The following CSGALNACT1 variants were observed in gnomAD, a reference collection of about 807,000 sequenced individuals.
CSGALNACT1 encodes beta4GalNAcT-1.
In CSGALNACT1, 52 loss-of-function variants were observed where a neutral mutation model predicts 51.0. The observed-to-expected ratio is 1.02, with a 90% confidence interval of 0.82 to 1.29. The LOEUF is 1.29. Ranked by LOEUF, CSGALNACT1 falls within the 50% of genes most tolerant of loss-of-function variation. The pLI is 0.00. For missense variants in CSGALNACT1, 935 were observed against 679.2 expected, an observed-to-expected ratio of 1.38 and a Z score of -4.19; for synonymous variants, 341 against 254.4, an observed-to-expected ratio of 1.34 and a Z score of -3.24.
intron 3 of CSGALNACT1, among the ~76,000 whole-genome samples, chr8:19,534,852 G>T (rs1451218185): frequency 6.6e-6 from 1 of 152,088 alleles, no homozygotes; most frequent in South Asian, 2.1e-4. Context: ...AGTCAAGTGG[G>T]GAGTTTGTAA....
chr8:19,606,984 T>C (rs2051468700), upstream of CSGALNACT1, among the ~76,000 whole-genome samples: 2 of 151,986 alleles, frequency 1.3e-5, no homozygotes, highest in South Asian at 4.1e-4. Context: ...GGAAACCCTG[T>C]CTGTACTAAA....
intron 2 of CSGALNACT1, among the ~76,000 whole-genome samples, chr8:19,595,266 T>G (rs1009015798): frequency 6.6e-6 from 1 of 152,222 alleles, no homozygotes; most frequent in Non-Finnish European, 1.5e-5. Context: ...AGAGCGAGTA[T>G]TAGCTCTTTG....
At chr8:19,721,411 CA>C (rs762628465) in intron 1 of CSGALNACT1, among the ~76,000 whole-genome samples, 1 of 152,136 alleles carries the variant, frequency 6.6e-6, no homozygotes, top group African/African-American at 2.4e-5. Context: ...ATATTTTACC[CA>C]AAACACATAG....
chr8:19,458,413 C>G lies in CSGALNACT1; in HGVS notation c.851+13G>C, dbSNP rs371132091. 6.2e-7 allele frequency: 1 copy of G among 1,608,008 alleles called. No homozygotes were observed. Among genetic ancestry groups the G allele is most frequent in the Non-Finnish European group, 8.5e-7 (1 of 1,174,440 alleles). ...TCATGCGGAGGAAGATAAACACGTG[C>G]GAACAAACCAACCTGAAATTCTGCA... On this transcript the variant is annotated intron_variant, in intron 5 of 9. Transcript: ENST00000454498.
At chr8:19,676,724 A>C (rs2060218251) in intron 1 of CSGALNACT1, among the ~76,000 whole-genome samples, 1 of 151,926 alleles carries the variant, frequency 6.6e-6, no homozygotes, top group African/African-American at 2.4e-5. Context: ...AAGCCTCGGG[A>C]GCCGCACAAG....
chr8:19,491,333 C>T (rs1185279603), intron 4 of CSGALNACT1, among the ~76,000 whole-genome samples: 1 of 151,994 alleles, frequency 6.6e-6, no homozygotes, highest in Non-Finnish European at 1.5e-5. Context: ...ATTATAAATA[C>T]TTCTATGATA....
At chr8:19,672,103 T>C (rs78347831) in intron 1 of CSGALNACT1, among the ~76,000 whole-genome samples, 1,804 of 152,338 alleles carry the variant, frequency 0.012, 40 homozygotes, top group African/African-American at 0.041. Flanking sequence ...GCATAGGGCA[T>C]CAGTATCTTA....
chr8:19,536,653 A>C (rs2083810009), intron 3 of CSGALNACT1, among the ~76,000 whole-genome samples: 1 of 152,244 alleles, frequency 6.6e-6, no homozygotes, highest in Non-Finnish European at 1.5e-5. Flanking sequence ...TGCTTTGTAC[A>C]TATGAAGATT....
chr8:19,416,346 C>T (rs2056874915), intron 8 of CSGALNACT1, among the ~76,000 whole-genome samples: 1 of 152,074 alleles, frequency 6.6e-6, no homozygotes, highest in Non-Finnish European at 1.5e-5. Context: ...AACTCCTGAC[C>T]TCATGATTCA....
chr8:19,540,253 C>A (rs1479943597), intron 3 of CSGALNACT1, among the ~76,000 whole-genome samples: 1 of 152,072 alleles, frequency 6.6e-6, no homozygotes, highest in Non-Finnish European at 1.5e-5. Context: ...TTAATTATGC[C>A]CCTTCTGTCT....
chr8:19,437,408 G>A (rs1227591408), intron 6 of CSGALNACT1, among the ~76,000 whole-genome samples: 1 of 152,156 alleles, frequency 6.6e-6, no homozygotes, highest in Non-Finnish European at 1.5e-5. Context: ...AGGCAGTGAG[G>A]GAGGTAGGAA....
At chr8:19,482,095 C>A (rs528058432) in intron 4 of CSGALNACT1, among the ~76,000 whole-genome samples, 35 of 152,192 alleles carry the variant, frequency 2.3e-4, no homozygotes, top group Non-Finnish European at 4.6e-4. Context: ...TGAGTATACA[C>A]ACTAGAGCTC....
At chr8:19,630,996 G>C (rs1230996534) in intron 1 of CSGALNACT1, among the ~76,000 whole-genome samples, 1 of 152,098 alleles carries the variant, frequency 6.6e-6, no homozygotes, top group Non-Finnish European at 1.5e-5. Context: ...GTTTTCATTG[G>C]AGCTCGCTGG....
chr8:19,412,410 G>A (rs2055989260), intron 8 of CSGALNACT1, among the ~76,000 whole-genome samples: 1 of 152,230 alleles, frequency 6.6e-6, no homozygotes, highest in South Asian at 2.1e-4. Context: ...CAGCCGCCCT[G>A]CAGCTGCATG....
At chr8:19,579,196 T>C (rs1454470008) in intron 3 of CSGALNACT1, among the ~76,000 whole-genome samples, 1 of 152,210 alleles carries the variant, frequency 6.6e-6, no homozygotes, top group Non-Finnish European at 1.5e-5. Flanking sequence ...CAGCATGGAC[T>C]AAAAGGCCCA....
intron 3 of CSGALNACT1, among the ~76,000 whole-genome samples, chr8:19,540,379 AC>A (rs1287239439): frequency 2.0e-5 from 3 of 152,066 alleles, no homozygotes; most frequent in African/African-American, 7.2e-5. Flanking sequence ...GGTCTTCTAC[AC>A]CCCTCCTCTT....
chr8:19,426,620 T>C (rs1585717269), intron 6 of CSGALNACT1, among the ~76,000 whole-genome samples: 1 of 152,234 alleles, frequency 6.6e-6, no homozygotes, highest in African/African-American at 2.4e-5. Flanking sequence ...TTTTCTTGAA[T>C]TGTATTATCA....
At chr8:19,474,231 A>G (rs1377134342) in intron 4 of CSGALNACT1, among the ~76,000 whole-genome samples, 1 of 152,146 alleles carries the variant, frequency 6.6e-6, no homozygotes, top group Non-Finnish European at 1.5e-5. Flanking sequence ...AAAGAAACCA[A>G]CACTCCCACC....
rs149981627 is a variant in CSGALNACT1, at chr8:19,635,789, G to A, written c.-543-33924C>T. Among the ~76,000 whole-genome samples the A allele has an allele frequency of 1.4e-3, 210 of 152,174 alleles. 1 individual carries two copies. The highest frequency in any genetic ancestry group is 4.7e-3 in the African/African-American group (197 of 41,504). ...GTTGCCCAGGCTGGTGTGTAGTGGC[G>A]TGATCTCCGTTCATTGCAACCTCTG... On this transcript the variant is annotated intron_variant, in intron 1 of 9. Coordinates refer to the CSGALNACT1 transcript ENST00000332246.
Sources: gnomAD v4.1 joint callset for allele counts (sites outside exome capture counted in the v4.1 genomes callset) on GRCh38, gnomAD v4.1.1 for gene constraint, MANE v1.5 for transcripts, NCBI Gene and HGNC (gene_info 2026-07-23, HGNC 2026-07-21) for gene names.